The following CASKIN2 variants were observed in gnomAD, a reference collection of about 807,000 sequenced individuals.
CASKIN2 encodes the protein caskin-2.
Under a neutral mutation model 107.1 loss-of-function variants are expected in CASKIN2, and 41 were observed. That is an observed-to-expected ratio of 0.38 (90% CI 0.30 to 0.50). The LOEUF (loss-of-function observed/expected upper bound fraction) is 0.50. Among genes scored for constraint, CASKIN2 ranks in the 20% least tolerant of loss-of-function variants. The pLI, the probability that CASKIN2 is intolerant of heterozygous loss-of-function variation, is 0.92. For missense variants in CASKIN2, 1,546 were observed against 1,657.4 expected, an observed-to-expected ratio of 0.93 and a Z score of 1.17; for synonymous variants, 724 against 705.6, an observed-to-expected ratio of 1.03 and a Z score of -0.41.
intron 1 of CASKIN2, among the ~76,000 whole-genome samples, chr17:75,514,676 G>A (rs2053341744): frequency 6.6e-6 from 1 of 152,216 alleles, no homozygotes; most frequent in East Asian, 1.9e-4. Context: ...GAGGCTTCAA[G>A]GCTTCGCTTT....
At chr17:75,504,082 C>G in intron 14 of CASKIN2, 120 bp from the exon 15 acceptor site, 1 of 1,072,956 alleles carries the variant, frequency 9.3e-7, no homozygotes, top group Non-Finnish European at 1.3e-6. Flanking sequence ...TTGCCTCTAC[C>G]CTGCCCTACC....
At position 75,506,708 on chromosome 17, in the gene CASKIN2, G is replaced by C. The variant is rs1484257792; in HGVS notation, c.492C>G (p.Ala164=). 10 of 1,613,406 alleles carry C rather than the reference G, an allele frequency of 6.2e-6. No homozygotes were observed. Among genetic ancestry groups the C allele is most frequent in the African/African-American group, 1.3e-5 (1 of 74,904 alleles). ...LACEFGRLKV[A]QLLLNSHLCV... is the part of the protein sequence containing the mutation. ...ATAAGTGGCTGTTCAGAAGCAGCTG[G>C]GCCACCTGCAGCACCCAGTGCCCAG... is the stretch of plus-strand genomic sequence containing the variant. Residue 164 remains alanine (A), a synonymous_variant, in exon 7 of 20, where the codon GCC becomes GCG. Coordinates refer to ENST00000321617, the MANE Select transcript of CASKIN2 (RefSeq NM_020753.5). The surrounding 1 kb of genome is among the most constrained non-coding windows in gnomAD (Gnocchi z 4.8).
chr17:75,508,691 G>A (rs1295735200), intron 2 of CASKIN2, among the ~76,000 whole-genome samples: 1 of 152,170 alleles, frequency 6.6e-6, no homozygotes, highest in Non-Finnish European at 1.5e-5. Flanking sequence ...AGAGGCACTA[G>A]GTATTCAAGG....
rs2053227804 is a variant in CASKIN2 at position 75,503,530 on chromosome 17, G to A, written c.1681-3C>T. 1 of 1,607,680 alleles carries A rather than the reference G, an allele frequency of 6.2e-7. No homozygotes were observed. Among genetic ancestry groups the A allele is most frequent in the Non-Finnish European group, 8.5e-7 (1 of 1,178,636 alleles). ...CACAGCCACTCCAGCAGGTCCGTCT[G>A]GAAGAGCACCGTCCTCAGAACAACT... is the stretch of plus-strand genomic sequence containing the variant. On this transcript the variant is annotated splice_region_variant and splice_polypyrimidine_tract_variant and intron_variant, in intron 16 of 19. Transcript: ENST00000321617.
intron 4 of CASKIN2, 67 bp downstream of exon 4, chr17:75,507,516 TG>T: frequency 8.6e-7 from 1 of 1,158,712 alleles, no homozygotes; most frequent in Non-Finnish European, 1.3e-6. Flanking sequence ...GAGCAAGCTC[TG>T]GTCCCAGGGT....
chr17:75,501,896 G>C lies in CASKIN2; in HGVS notation c.3178C>G (p.Gln1060Glu). ...CCTGGGCAGGGCGGCACTGGAGGCT[G>C]CATGGCGGGGCTGGGAGCAAGGGGG... ...PTPLAPSPAM[Q>E]PPVPPCPGPG... The change falls in exon 18 of 20, where the codon CAG (glutamine) becomes GAG (glutamate). Residue 1060 changes from glutamine (Q) to glutamate (E), a missense_variant. Gln to Glu is a conservative substitution (Grantham distance 29, BLOSUM62 2). Around this residue, in one of 6 missense-constraint regions of CASKIN2, gnomAD observed 1,311 missense variants for 1,311.0 expected, o/e 1.00. Coordinates refer to ENST00000321617, the MANE Select transcript of CASKIN2 (RefSeq NM_020753.5). 1 of 1,570,484 alleles carries C rather than the reference G, an allele frequency of 6.4e-7. No individual in the cohort carries two copies. Among genetic ancestry groups the C allele is most frequent in the Non-Finnish European group, 8.6e-7 (1 of 1,157,372 alleles).
intron 2 of CASKIN2, among the ~76,000 whole-genome samples, chr17:75,511,871 T>C (rs1174116489): frequency 6.6e-6 from 1 of 152,162 alleles, no homozygotes; most frequent in Non-Finnish European, 1.5e-5. Flanking sequence ...GGCCTCACTT[T>C]GAGGACCCAG....
Position 75,504,651 on chromosome 17 carries a change from CTG to C in CASKIN2, c.1233_1234del (p.Ser412HisfsTer11), listed in dbSNP as rs757421697. 24 of 1,604,548 alleles carry C rather than the reference CTG, an allele frequency of 1.5e-5. No homozygotes were observed. The highest frequency in any genetic ancestry group is 2.0e-5 in the Non-Finnish European group (24 of 1,174,860). ...CTGCCCGCTGCCGGCACTGCGGATG[CTG>C]CCCACGCTGCCCTCACTGCCCACAC... On this transcript the variant is annotated frameshift_variant, in exon 12 of 20. Coordinates refer to ENST00000321617, the MANE Select transcript of CASKIN2 (RefSeq NM_020753.5). LOFTEE classifies it high-confidence loss of function.
chr17:75,509,157 C>G (rs1001171968), intron 2 of CASKIN2, among the ~76,000 whole-genome samples: 1 of 152,228 alleles, frequency 6.6e-6, no homozygotes, highest in Non-Finnish European at 1.5e-5. Context: ...GGGCCACCCC[C>G]TCTCGGGGCA....
At position 75,504,961 on chromosome 17, in the gene CASKIN2, C is replaced by G. The variant is rs765329135; in HGVS notation, c.1043G>C (p.Arg348Pro). The G allele has an allele frequency of 6.2e-7, 1 of 1,611,936 alleles. No individual in the cohort carries two copies. Among genetic ancestry groups the G allele is most frequent in the Non-Finnish European group, 8.5e-7 (1 of 1,179,540 alleles). ...GAGGCGGGCTGCAGGGATGCCCACC[C>G]GCTTGCTGACCACCTCGACAATGCC... ...PPGIVEVVSK[R>P]VGIPAARLPS... The change falls in exon 11 of 20, where the codon CGG becomes CCG. Residue 348 changes from arginine (R) to proline (P), a missense_variant. This residue lies in a region of CASKIN2 where 1,311 missense variants were observed against 1,311.0 expected (regional missense o/e 1.00). Coordinates refer to ENST00000321617, the MANE Select transcript of CASKIN2 (RefSeq NM_020753.5).
chr17:75,506,928 C>G lies in CASKIN2; in HGVS notation c.391-34G>C, dbSNP rs1263394430. The G allele has an allele frequency of 1.2e-6, 2 of 1,611,894 alleles. No individual in the cohort carries two copies. The highest frequency in any genetic ancestry group is 1.1e-5 in the South Asian group (1 of 90,964). On this transcript the variant is annotated intron_variant, in intron 5 of 19. Transcript: ENST00000321617. This position sits in a 1 kb window ranked among gnomAD's most constrained non-coding sequence, Gnocchi z 4.8. ...GGGGGAGCCGAGTGAGGGGGCCTGG[C>G]CTGTCCGGCACCCCACCCTGCCCTG...
Position 75,501,832 on chromosome 17 carries a change from C to T in CASKIN2, c.3242G>A (p.Gly1081Glu). ...AGGGGCGGCCGGGGGTTCTGTCTCCCCATTCCACCGACTAGCTGCTGAGCT... is the reference window on the plus strand; with the variant it reads ...AGGGGCGGCCGGGGGTTCTGTCTCCTCATTCCACCGACTAGCTGCTGAGCT... The part of the protein sequence containing the change: ...LESSAASRWN[G>E]ETEPPAAPAA... Residue 1081 changes from glycine to glutamate, a missense_variant, in exon 18 of 20, where the codon GGG (glycine) becomes GAG (glutamate). Around this residue, in one of 6 missense-constraint regions of CASKIN2, gnomAD observed 1,311 missense variants for 1,311.0 expected, o/e 1.00. Transcript: ENST00000321617. 1 of 1,556,760 alleles carries T rather than the reference C, an allele frequency of 6.4e-7. No individual in the cohort carries two copies. Among genetic ancestry groups the T allele is most frequent in the Non-Finnish European group, 8.7e-7 (1 of 1,153,538 alleles).
intron 2 of CASKIN2, among the ~76,000 whole-genome samples, chr17:75,509,395 T>TG (rs1237428665): frequency 6.6e-6 from 1 of 152,114 alleles, no homozygotes; most frequent in Non-Finnish European, 1.5e-5. Context: ...CCCAGTAGCC[T>TG]GGGGAAGACA....
At position 75,505,846 on chromosome 17, in the gene CASKIN2, G is replaced by A; in HGVS notation, c.810C>T (p.Ser270=). Residue 270 remains serine (S), a synonymous_variant, in exon 9 of 20, where the codon AGC becomes AGT. Coordinates refer to ENST00000321617, the MANE Select transcript of CASKIN2 (RefSeq NM_020753.5). This position sits in a 1 kb window ranked among gnomAD's most constrained non-coding sequence, Gnocchi z 5.1. ...IVNQFTTSQA[S]REIKQLLREA... is the part of the protein sequence containing the mutation. ...CCCGCAGTAGCTGCTTGATTTCCCG[G>A]CTGGCCTGGGAGGTGGTGAACTGAT... 1 of 1,613,270 alleles carries A rather than the reference G, an allele frequency of 6.2e-7. No individual in the cohort carries two copies. Among genetic ancestry groups the A allele is most frequent in the Non-Finnish European group, 8.5e-7 (1 of 1,179,960 alleles).
intron 19 of CASKIN2, 51 bp downstream of exon 19, chr17:75,501,417 G>T: frequency 6.4e-7 from 1 of 1,551,966 alleles, no homozygotes; most frequent in Non-Finnish European, 8.8e-7. Flanking sequence ...AGGATGCAGG[G>T]AGCACTGTTT....
Position 75,500,286 on chromosome 17 carries a change from TGTTA to T in CASKIN2, c.*790_*793del, listed in dbSNP as rs985580539. ...TCACGTGGAATGGTGTTTTCATTGG[TGTTA>T]GTTGGGGGAAGAGGTTAATGGTTAC... On this transcript the variant is annotated 3_prime_UTR_variant, in exon 20 of 20. Coordinates refer to ENST00000321617, the MANE Select transcript of CASKIN2 (RefSeq NM_020753.5). 1 of 152,116 alleles carries T rather than the reference TGTTA, an allele frequency of 6.6e-6. No individual in the cohort carries two copies. Among genetic ancestry groups the T allele is most frequent in the Non-Finnish European group, 1.5e-5 (1 of 68,072 alleles). The allele number at this position is 152,116 out of a possible 1,614,324, so 9.4% of individuals were successfully genotyped here.
intron 3 of CASKIN2, chr17:75,507,932 G>A (rs973584368): frequency 3.4e-6 from 2 of 582,892 alleles, no homozygotes; most frequent in Non-Finnish European, 6.1e-6. Flanking sequence ...CGTGGGAGCA[G>A]GAGCCTGAGG....
rs149712924 is a variant in CASKIN2, at chr17:75,502,895, G to C, written c.2179C>G (p.Pro727Ala). The C allele has an allele frequency of 4.9e-5, 76 of 1,545,042 alleles. No individual in the cohort carries two copies. Among genetic ancestry groups the C allele is most frequent in the Non-Finnish European group, 5.0e-5 (57 of 1,145,324 alleles). ...CCCTCTGGGAGGTTCCTCTCCTGGGGGGGGCTGGGATCTCCACCGCTGGGC... is the reference window on the plus strand; with the variant it reads ...CCCTCTGGGAGGTTCCTCTCCTGGGCGGGGCTGGGATCTCCACCGCTGGGC... ...PQPSGGDPSP[P>A]QERNLPEGTE... The change falls in exon 18 of 20, where the codon CCC becomes GCC. Residue 727 changes from proline (P) to alanine (A), a missense_variant. Pro to Ala is a conservative substitution (Grantham distance 27). Coordinates refer to ENST00000321617, the MANE Select transcript of CASKIN2 (RefSeq NM_020753.5). The surrounding 1 kb of genome is among the most constrained non-coding windows in gnomAD (Gnocchi z 4.3).
chr17:75,513,593 G>T, intron 2 of CASKIN2, 118 bp downstream of exon 2: 2 of 857,112 alleles, frequency 2.3e-6, no homozygotes, highest in Non-Finnish European at 3.8e-6. Context: ...TTCTTACTGA[G>T]AACAAGACAG....
Sources: gnomAD v4.1 joint callset for allele counts (sites outside exome capture counted in the v4.1 genomes callset) on GRCh38, gnomAD v4.1.1 for gene constraint, gnomAD v4.1.1 regional missense constraint, Gnocchi (gnomAD v3.1) non-coding constraint, MANE v1.5 for transcripts, NCBI Gene and HGNC (gene_info 2026-07-23, HGNC 2026-07-21) for gene names.